Variants in IARS1 observed in about 807,000 individuals in gnomAD.
IARS1 encodes isoleucine--tRNA ligase, cytoplasmic.
IARS1 carries 124 observed loss-of-function variants against 168.2 expected under a neutral mutation model. That is an observed-to-expected ratio of 0.74 (90% confidence interval 0.64 to 0.86). The LOEUF is 0.86. Among genes scored for constraint, IARS1 ranks in the 40% least tolerant of loss-of-function variants. IARS1 has a pLI of 0.00. For synonymous variants in IARS1, 532 were observed against 529.4 expected (o/e 1.00, Z -0.07); for missense variants, 1,452 against 1,515.8 (o/e 0.96, Z 0.70).
At chr9:92,232,324 A>G (rs1826846324) in intron 30 of IARS1, among the ~76,000 whole-genome samples, 1 of 146,242 alleles carries the variant, frequency 6.8e-6, no homozygotes, top group Non-Finnish European at 1.5e-5. Context: ...CATAAATTAT[A>G]CTACAAGGAA....
intron 31 of IARS1, among the ~76,000 whole-genome samples, chr9:92,224,902 T>G (rs1403491136): frequency 1.3e-5 from 2 of 152,172 alleles, no homozygotes; most frequent in Non-Finnish European, 2.9e-5. Flanking sequence ...CAGCCACTCC[T>G]GCCCTTGCCC....
At chr9:92,278,038 G>T in intron 8 of IARS1, 115 bp from the exon 9 acceptor site, 1 of 1,115,236 alleles carries the variant, frequency 9.0e-7, no homozygotes. Flanking sequence ...AGCCATTCAT[G>T]CTGTAATGTG....
At chr9:92,285,040 T>G (rs1422590293) in intron 6 of IARS1, among the ~76,000 whole-genome samples, 1 of 152,188 alleles carries the variant, frequency 6.6e-6, no homozygotes, top group Non-Finnish European at 1.5e-5. Context: ...ATTTTACTAA[T>G]GTAATTTTCA....
At chr9:92,224,970 C>T (rs1412874450) in intron 31 of IARS1, among the ~76,000 whole-genome samples, 1 of 152,172 alleles carries the variant, frequency 6.6e-6, no homozygotes, top group Admixed American at 6.5e-5. Context: ...CCACGGGCTC[C>T]ACAACATTAC....
intron 33 of IARS1, among the ~76,000 whole-genome samples, chr9:92,211,507 G>A (rs1402397683): frequency 6.6e-6 from 1 of 152,154 alleles, no homozygotes; most frequent in Non-Finnish European, 1.5e-5. Context: ...TGCAGTTGGT[G>A]CCAGCAGTGA....
chr9:92,271,247 A>G (rs574278762), intron 11 of IARS1, among the ~76,000 whole-genome samples, 171 bp from the exon 12 acceptor site: 4 of 152,298 alleles, frequency 2.6e-5, no homozygotes, highest in African/African-American at 9.6e-5. Flanking sequence ...ACAACATTTA[A>G]GGTCATAAAG....
At chr9:92,214,232 G>A (rs1298880137) in intron 33 of IARS1, among the ~76,000 whole-genome samples, 2 of 151,678 alleles carry the variant, frequency 1.3e-5, no homozygotes, top group Non-Finnish European at 2.9e-5. Context: ...CAGAGCAGAC[G>A]GGCAATGTAA....
intron 23 of IARS1, 54 bp from the exon 24 acceptor site, chr9:92,250,343 G>T (rs1398490435): frequency 9.0e-7 from 1 of 1,110,276 alleles, no homozygotes; most frequent in Non-Finnish European, 1.4e-6. Context: ...GGAGAAAATT[G>T]AAGGCACTAG....
Position 92,288,196 on chromosome 9 carries a change from G to A in IARS1, c.206C>T (p.Thr69Ile). Residue 69 changes from threonine to isoleucine, a missense_variant, in exon 3 of 34, where the codon ACA (threonine) becomes ATA (isoleucine). Thr to Ile is a moderately conservative substitution (Grantham distance 89). Coordinates refer to ENST00000443024, the MANE Select transcript of IARS1 (RefSeq NM_002161.6). ...AAACCCACTCTGGTGAGCATATCTT[G>A]TAACTATATCTTTAATTGTACCCGC... is the stretch of plus-strand genomic sequence containing the variant. ...ILAGTIKDIV[T>I]RYAHQSGFHV... 1 of 1,613,976 alleles carries A rather than the reference G, an allele frequency of 6.2e-7. No individual in the cohort carries two copies. Among genetic ancestry groups the A allele is most frequent in the Non-Finnish European group, 8.5e-7 (1 of 1,179,900 alleles).
At chr9:92,250,877 T>C (rs371490954) in intron 22 of IARS1, 43 bp from the exon 23 acceptor site, 1 of 1,559,402 alleles carries the variant, frequency 6.4e-7, no homozygotes, top group East Asian at 2.3e-5. Context: ...TATGCAGTCA[T>C]CAACAACTGA....
In IARS1 at chr9:92,289,468, T is replaced by C. The variant is rs368740881; in HGVS notation, c.-7-42A>G. The stretch of plus-strand genomic sequence containing the variant: ...ATTTATTACTGTCAAAAGAGAAATC[T>C]AGGAATAACAGAGTACCATATTATT... On this transcript the variant is annotated intron_variant, in intron 1 of 33. Coordinates refer to ENST00000443024, the MANE Select transcript of IARS1 (RefSeq NM_002161.6). 3.4e-5 allele frequency: 29 copies of C among 861,214 alleles called. No homozygotes were observed. The African/African-American group carries it at 4.2e-4, about 12-fold the overall frequency. 53.3% of individuals were successfully genotyped at this position (861,214 alleles called of 1,614,324 possible).
chr9:92,258,386 G>C (rs768335064), intron 19 of IARS1, among the ~76,000 whole-genome samples: 2 of 152,140 alleles, frequency 1.3e-5, no homozygotes, highest in Non-Finnish European at 2.9e-5. Flanking sequence ...CTGAGGTCTG[G>C]AGTTCAAGAT....
intron 10 of IARS1, among the ~76,000 whole-genome samples, chr9:92,272,069 A>C (rs1316191017): frequency 6.6e-6 from 1 of 152,208 alleles, no homozygotes; most frequent in Non-Finnish European, 1.5e-5. Context: ...AAAAACCAAA[A>C]ATTTCCTATT....
At position 92,231,919 on chromosome 9, in the gene IARS1, T is replaced by A. The variant is rs77168432; in HGVS notation, c.3284-2793A>T. Among the ~76,000 whole-genome samples the A allele has an allele frequency of 3.9e-3, 592 of 152,354 alleles. 2 individuals carry two copies. The highest frequency in any genetic ancestry group is 0.013 in the African/African-American group (550 of 41,578). ...ATATATAATGCAGATATACAACTTT[T>A]AAATCCTACCAGGATTTATTATCAA... On this transcript the variant is annotated intron_variant, in intron 30 of 33. Transcript: ENST00000443024.
intron 19 of IARS1, among the ~76,000 whole-genome samples, chr9:92,257,969 C>T (rs1830966217): frequency 1.3e-5 from 2 of 152,186 alleles, no homozygotes; most frequent in African/African-American, 2.4e-5. Context: ...AAGGGCTTCT[C>T]AGGTGAGAAA....
chr9:92,214,752 A>G (rs543234130), intron 33 of IARS1, among the ~76,000 whole-genome samples: 2 of 152,266 alleles, frequency 1.3e-5, no homozygotes, highest in African/African-American at 4.8e-5. Flanking sequence ...TATACCCCGC[A>G]CCTAGCTCGG....
In IARS1 at chr9:92,274,335, G is replaced by A. The variant is rs187892851; in HGVS notation, c.990+91C>T. 3.4e-5 allele frequency: 33 copies of A among 960,254 alleles called. 1 individual carries two copies. Among genetic ancestry groups the A allele is most frequent in the Admixed American group, 3.1e-4 (17 of 54,902 alleles). 59.5% of individuals were successfully genotyped at this position (960,254 alleles called of 1,614,324 possible). On this transcript the variant is annotated intron_variant, in intron 10 of 33. Coordinates refer to ENST00000443024, the MANE Select transcript of IARS1 (RefSeq NM_002161.6). ...GTGAGCCAGAAAAGAGGCCAACCTGGTAACCCAACATGATGAGACACAGGA... is the reference window on the plus strand; with the variant it reads ...GTGAGCCAGAAAAGAGGCCAACCTGATAACCCAACATGATGAGACACAGGA...
At chr9:92,224,370 G>A (rs1224272798) in intron 31 of IARS1, among the ~76,000 whole-genome samples, 1 of 122,654 alleles carries the variant, frequency 8.2e-6, no homozygotes, top group East Asian at 2.4e-4. Flanking sequence ...ATTTTGCTCA[G>A]CAGAAATAGC....
At chr9:92,229,238 TC>T (rs994749059) in intron 30 of IARS1, 112 bp from the exon 31 acceptor site, 3 of 982,594 alleles carry the variant, frequency 3.1e-6, no homozygotes, top group Non-Finnish European at 4.5e-6. Context: ...TTTTTCCTTT[TC>T]CCCCAACTAT....
Sources: gnomAD v4.1 joint callset for allele counts (sites outside exome capture counted in the v4.1 genomes callset) on GRCh38, gnomAD v4.1.1 for gene constraint, MANE v1.5 for transcripts, NCBI Gene and HGNC (gene_info 2026-07-23, HGNC 2026-07-21) for gene names.